The following TCF7L2 variants were observed in gnomAD, a reference collection of about 807,000 sequenced individuals.
The protein encoded by TCF7L2 is transcription factor 7-like 2.
A neutral mutation model predicts 77.9 loss-of-function variants in TCF7L2; 23 were observed. The ratio of observed to expected loss-of-function variants is 0.30; its 90% CI spans 0.21 to 0.42. The LOEUF is 0.42. Among genes scored for constraint, TCF7L2 ranks in the 10% least tolerant of loss-of-function variants. The pLI, the probability that TCF7L2 is intolerant of heterozygous loss-of-function variation, is 1.00. For missense variants in TCF7L2, 654 were observed against 793.1 expected (o/e 0.82, Z 2.11); for synonymous variants, 413 against 340.2 (o/e 1.21, Z -2.36).
chr10:113,080,828 G>T (rs1359394689), intron 5 of TCF7L2, among the ~76,000 whole-genome samples: 1 of 152,158 alleles, frequency 6.6e-6, no homozygotes. Flanking sequence ...TCTGGAGTTT[G>T]ATGTTGTCAG....
intron 12 of TCF7L2, 82 bp from the exon 14 acceptor site, chr10:113,159,838 C>CG (rs796519669): frequency 3.7e-5 from 5 of 133,454 alleles, no homozygotes; most frequent in African/African-American, 2.1e-4. Context: ...CTTCCCCCCC[C>CG]CCCCCCCTCT....
chr10:113,027,249 C>A (rs2049343068), intron 4 of TCF7L2, among the ~76,000 whole-genome samples: 1 of 152,098 alleles, frequency 6.6e-6, no homozygotes, highest in African/African-American at 2.4e-5. Context: ...CCTAGTTCCT[C>A]AACTGCTTAT....
At chr10:113,068,986 G>A (rs1163640719) in intron 5 of TCF7L2, among the ~76,000 whole-genome samples, 3 of 151,420 alleles carry the variant, frequency 2.0e-5, no homozygotes, top group South Asian at 4.2e-4. Context: ...TGGATGGGGT[G>A]TTTGTGCCAA....
chr10:113,102,427 GT>G lies in TCF7L2; in HGVS notation c.553-38742del, dbSNP rs759557227. Among the ~76,000 whole-genome samples, 699 of 141,454 alleles carry G rather than the reference GT, an allele frequency of 4.9e-3. 3 individuals are homozygous for G. The highest frequency in any genetic ancestry group is 0.016 in the African/African-American group (609 of 38,676). The allele number at this position is 141,454 out of a possible 152,430, so 92.8% of individuals were successfully genotyped here. The stretch of plus-strand genomic sequence containing the variant: ...TGTTTTTTGTTGTTGTTGTTTGTTT[GT>G]TTTTTTTTTTTTTTGAGACAGAGTC... On this transcript the variant is annotated intron_variant, in intron 5 of 13. Coordinates refer to ENST00000627217, the MANE Select transcript of TCF7L2 (RefSeq NM_001146274.2).
At chr10:113,029,856 A>T (rs1362882920) in intron 4 of TCF7L2, among the ~76,000 whole-genome samples, 1 of 152,036 alleles carries the variant, frequency 6.6e-6, no homozygotes, top group Non-Finnish European at 1.5e-5. Context: ...CTCTTAAATG[A>T]ATGTGGTCAC....
Position 113,165,821 on chromosome 10 carries a change from A to C in TCF7L2, c.1658A>C (p.Asn553Thr), listed in dbSNP as rs762832310. 18 of 1,605,934 alleles carry C rather than the reference A, an allele frequency of 1.1e-5. No individual in the cohort carries two copies. Among genetic ancestry groups the C allele is most frequent in the Non-Finnish European group, 1.4e-5 (17 of 1,175,290 alleles). ...CACAAGGCCTCCGCCCTCTGTCCCA[A>C]CGGGGCCCTGGACCTGCCCCCAGCC... Residue 553 changes from asparagine to threonine, a missense_variant, in exon 14 of 14, where the codon AAC (asparagine) becomes ACC (threonine). By Grantham distance (65) the Asn-to-Thr change is moderately conservative. Around this residue, in one of 6 missense-constraint regions of TCF7L2, gnomAD observed 272 missense variants for 215.4 expected, o/e 1.26. Coordinates refer to ENST00000627217, the MANE Select transcript of TCF7L2 (RefSeq NM_001146274.2).
chr10:112,959,890 A>T (rs776592548), intron 3 of TCF7L2, among the ~76,000 whole-genome samples: 1 of 152,208 alleles, frequency 6.6e-6, no homozygotes, highest in African/African-American at 2.4e-5. Flanking sequence ...AGGTAATTAC[A>T]TGGAAATTAG....
intron 4 of TCF7L2, among the ~76,000 whole-genome samples, chr10:113,012,433 A>G (rs567259854): frequency 6.6e-6 from 1 of 152,272 alleles, no homozygotes; most frequent in Non-Finnish European, 1.5e-5. Context: ...GGTGGGTTCT[A>G]GGGGTTCAGA....
chr10:113,055,372 T>C (rs2055208773), intron 5 of TCF7L2, among the ~76,000 whole-genome samples: 1 of 152,254 alleles, frequency 6.6e-6, no homozygotes, highest in Non-Finnish European at 1.5e-5. Context: ...CTCCTGAGGT[T>C]GAACATCTGG....
chr10:113,084,908 C>A (rs371044405), intron 5 of TCF7L2, among the ~76,000 whole-genome samples: 13 of 149,964 alleles, frequency 8.7e-5, no homozygotes, highest in African/African-American at 2.5e-4. Context: ...GCCACCCCCC[C>A]CCAAAAAAAA....
At chr10:113,082,316 T>A (rs1224828615) in intron 5 of TCF7L2, among the ~76,000 whole-genome samples, 2 of 135,182 alleles carry the variant, frequency 1.5e-5, no homozygotes, top group African/African-American at 2.9e-5. Flanking sequence ...TGTCTTTTTT[T>A]AATAACTTTA....
intron 4 of TCF7L2, among the ~76,000 whole-genome samples, chr10:112,968,666 C>A (rs2134786060): frequency 6.6e-6 from 1 of 152,168 alleles, no homozygotes; most frequent in African/African-American, 2.4e-5. Flanking sequence ...GCAACCTCCG[C>A]CTCCCAGGAT....
intron 5 of TCF7L2, chr10:113,129,841 G>T: frequency 7.8e-7 from 1 of 1,289,530 alleles, no homozygotes. Context: ...TTTAGAGGTG[G>T]AGAGAGGGAA....
chr10:113,042,740 G>A (rs1245072428), intron 5 of TCF7L2, among the ~76,000 whole-genome samples: 1 of 152,186 alleles, frequency 6.6e-6, no homozygotes, highest in Non-Finnish European at 1.5e-5. Context: ...CATACACCTT[G>A]AGACTACAAA....
chr10:113,070,964 G>C (rs2057931361), intron 5 of TCF7L2, among the ~76,000 whole-genome samples: 1 of 152,084 alleles, frequency 6.6e-6, no homozygotes, highest in Non-Finnish European at 1.5e-5. Flanking sequence ...CACAGTCCTA[G>C]GCAACAACTA....
intron 5 of TCF7L2, among the ~76,000 whole-genome samples, chr10:113,106,979 C>G (rs143408639): frequency 2.6e-5 from 4 of 152,282 alleles, no homozygotes; most frequent in African/African-American, 9.6e-5. Flanking sequence ...TGACCATGAT[C>G]AGAATGGATG....
intron 5 of TCF7L2, among the ~76,000 whole-genome samples, chr10:113,051,361 T>C (rs2054450729): frequency 6.6e-6 from 1 of 152,166 alleles, no homozygotes; most frequent in African/African-American, 2.4e-5. Flanking sequence ...CCAGTTCTAA[T>C]CCTGGGCTAT....
intron 5 of TCF7L2, among the ~76,000 whole-genome samples, chr10:113,041,746 C>A (rs1227496447): frequency 6.6e-6 from 1 of 151,966 alleles, no homozygotes; most frequent in African/African-American, 2.4e-5. Context: ...TGTGACAGTT[C>A]TAGACACCTA....
chr10:112,973,148 G>C lies in TCF7L2; in HGVS notation c.450+8524G>C, dbSNP rs544338827. On this transcript the variant is annotated intron_variant, in intron 4 of 13. Coordinates refer to ENST00000627217, the MANE Select transcript of TCF7L2 (RefSeq NM_001146274.2). ...TTAGGTCAGTGTTTCACAAGCTCAAGTATCACCTGGAGGGCACCCGGAGAG... is the reference window on the plus strand; with the variant it reads ...TTAGGTCAGTGTTTCACAAGCTCAACTATCACCTGGAGGGCACCCGGAGAG... 3.3e-5 allele frequency among the ~76,000 whole-genome samples: 5 copies of C among 152,302 alleles called. No homozygotes were observed. The South Asian group carries it at 8.3e-4, about 25-fold the overall frequency.
Sources: gnomAD v4.1 joint callset for allele counts (sites outside exome capture counted in the v4.1 genomes callset) on GRCh38, gnomAD v4.1.1 for gene constraint, gnomAD v4.1.1 regional missense constraint, MANE v1.5 for transcripts, NCBI Gene and HGNC (gene_info 2026-07-23, HGNC 2026-07-21) for gene names.